The following SMAD2 variants were observed in gnomAD, a reference collection of about 807,000 sequenced individuals.
The protein encoded by SMAD2 is SMAD family member 2.
Under a neutral mutation model 64.4 loss-of-function variants are expected in SMAD2, and 8 were observed. The observed-to-expected ratio is 0.12, with a 90% CI of 0.07 to 0.22. The LOEUF (loss-of-function observed/expected upper bound fraction) is 0.22. Ranked by LOEUF, SMAD2 falls within the 10% of genes least tolerant of loss-of-function variation. The pLI is 1.00. For synonymous variants in SMAD2, 203 were observed against 195.8 expected (o/e 1.04, Z -0.31); for missense variants, 289 against 561.2 (o/e 0.51, Z 4.90).
At chr18:47,898,959 C>G (rs2033563717) in intron 1 of SMAD2, among the ~76,000 whole-genome samples, 1 of 151,412 alleles carries the variant, frequency 6.6e-6, no homozygotes, top group South Asian at 2.1e-4. Context: ...TGTTATTCAT[C>G]TGCAAACTAC....
rs1216878780 is a variant in SMAD2 at position 47,835,074 on chromosome 18, C to G, written c.*6753G>C. On this transcript the variant is annotated 3_prime_UTR_variant, in exon 11 of 11. Transcript: ENST00000262160. ...CTAGTTCAACAACTGCAGAACTGTTCTCATCTTAATCGCTGTAGTTTTTCT... is the reference window on the plus strand; with the variant it reads ...CTAGTTCAACAACTGCAGAACTGTTGTCATCTTAATCGCTGTAGTTTTTCT... 9.1e-6 allele frequency: 2 copies of G among 219,306 alleles called. No individual in the cohort carries two copies. The highest frequency in any genetic ancestry group is 9.1e-6 in the Non-Finnish European group (1 of 109,410). 13.6% of individuals were successfully genotyped at this position (219,306 alleles called of 1,614,324 possible).
intron 7 of SMAD2, among the ~76,000 whole-genome samples, chr18:47,850,212 A>AT (rs1914992171): frequency 1.3e-5 from 1 of 78,704 alleles, no homozygotes; most frequent in African/African-American, 5.1e-5. Flanking sequence ...ATATATTATT[A>AT]TATATATGTA....
chr18:47,896,476 T>C, intron 2 of SMAD2, 45 bp downstream of exon 2: 2 of 1,596,866 alleles, frequency 1.3e-6, no homozygotes, highest in Middle Eastern at 1.7e-4. Flanking sequence ...TTCCTTCAGA[T>C]TCCTTGACAT....
chr18:47,849,368 G>A (rs79287778), intron 7 of SMAD2, among the ~76,000 whole-genome samples: 7,682 of 151,392 alleles, frequency 0.051, 602 homozygotes, highest in East Asian at 0.22. Flanking sequence ...AAGGAATACT[G>A]CAAAAGAAAA....
At chr18:47,856,905 T>TGC (rs1340507275) in intron 6 of SMAD2, among the ~76,000 whole-genome samples, 2 of 145,612 alleles carry the variant, frequency 1.4e-5, no homozygotes, top group Non-Finnish European at 3.0e-5. Context: ...TCGCCCAGGC[T>TGC]GGAGTGCAGT....
chr18:47,823,377 T>C lies in SMAD2; in HGVS notation c.*18450A>G, dbSNP rs112265287. On this transcript the variant is annotated 3_prime_UTR_variant, in exon 11 of 11. Coordinates refer to ENST00000262160, the MANE Select transcript of SMAD2 (RefSeq NM_005901.6). ...AAAAATCAGGGTAACTTTAAGTTTC[T>C]GAAGAAAGCTATATGTACCTGTTAT... 7.2e-5 allele frequency: 11 copies of C among 152,216 alleles called. No individual in the cohort carries two copies. Among genetic ancestry groups the C allele is most frequent in the African/African-American group, 2.7e-4 (11 of 41,440 alleles). 9.4% of individuals were successfully genotyped at this position (152,216 alleles called of 1,614,324 possible). A position where few individuals can be genotyped will look rare whatever the true frequency, so the allele number is the denominator to read the frequency against.
chr18:47,878,058 T>C (rs1313620673), intron 2 of SMAD2, among the ~76,000 whole-genome samples: 5 of 152,172 alleles, frequency 3.3e-5, no homozygotes, highest in Admixed American at 2.6e-4. Flanking sequence ...AAACAAACAG[T>C]CACCAAATGT....
At chr18:47,872,850 G>A (rs920916590) in intron 2 of SMAD2, among the ~76,000 whole-genome samples, 1 of 152,136 alleles carries the variant, frequency 6.6e-6, no homozygotes, top group African/African-American at 2.4e-5. Flanking sequence ...GTGCCAAAAC[G>A]GTTGGGAACA....
chr18:47,880,105 TCTGA>T (rs1256737762), intron 2 of SMAD2, among the ~76,000 whole-genome samples: 7 of 152,320 alleles, frequency 4.6e-5, no homozygotes, highest in African/African-American at 1.4e-4. Flanking sequence ...TTTCTCCCAC[TCTGA>T]CTTATTTTTT....
rs751495461 is a variant in SMAD2, at chr18:47,865,117, T to C, written c.672A>G (p.Gly224=). 5 of 1,607,542 alleles carry C rather than the reference T, an allele frequency of 3.1e-6. No homozygotes were observed. The highest frequency in any genetic ancestry group is 2.2e-5 in the East Asian group (1 of 44,746). ...TTGTTTCTCCATCTTCACTGATATATCCAGGAGGTGGCGTTTCTACAAAAG... is the reference window on the plus strand; with the variant it reads ...TTGTTTCTCCATCTTCACTGATATACCCAGGAGGTGGCGTTTCTACAAAAG... ...SNYIPETPPP[G]YISEDGETSD... The change falls in exon 6 of 11, where the codon GGA becomes GGG. Residue 224 remains glycine, a synonymous_variant. Coordinates refer to ENST00000262160, the MANE Select transcript of SMAD2 (RefSeq NM_005901.6).
Position 47,868,354 on chromosome 18 carries a change from TGCTG to T in SMAD2, c.620_623del (p.Pro207GlnfsTer30). ...TATAATTACTCTGTGGCTCAATTCC[TGCTG>T]GGAAGTTAGTGTTTTCTGGAATGGA... is the stretch of plus-strand genomic sequence containing the variant. On this transcript the variant is annotated frameshift_variant, in exon 5 of 11. Coordinates refer to ENST00000262160, the MANE Select transcript of SMAD2 (RefSeq NM_005901.6). LOFTEE classifies it high-confidence loss of function. 6.2e-7 allele frequency: 1 copy of T among 1,613,196 alleles called. No individual in the cohort carries two copies. The highest frequency in any genetic ancestry group is 8.5e-7 in the Non-Finnish European group (1 of 1,179,372).
chr18:47,850,011 A>T (rs995856360), intron 7 of SMAD2, among the ~76,000 whole-genome samples: 1 of 150,496 alleles, frequency 6.6e-6, no homozygotes, highest in Non-Finnish European at 1.5e-5. Context: ...TGTCTCAAAA[A>T]ATAAATAAAA....
Position 47,825,109 on chromosome 18 carries a change from C to T in SMAD2, c.*16718G>A, listed in dbSNP as rs952383279. The T allele has an allele frequency of 2.0e-5, 3 of 152,100 alleles. No individual in the cohort carries two copies. The highest frequency in any genetic ancestry group is 1.9e-4 in the East Asian group (1 of 5,186). 9.4% of individuals were successfully genotyped at this position (152,100 alleles called of 1,614,324 possible). The stretch of plus-strand genomic sequence containing the variant: ...AAATATTTTTGTGTATTTACAGGAA[C>T]GTGATAATCAAAAGTTGTTGTGGGA... On this transcript the variant is annotated 3_prime_UTR_variant, in exon 11 of 11. Transcript: ENST00000262160.
intron 6 of SMAD2, among the ~76,000 whole-genome samples, chr18:47,861,193 T>C (rs139366831): frequency 2.2e-4 from 33 of 152,168 alleles, no homozygotes; most frequent in African/African-American, 6.5e-4. Context: ...CCGTCTCTAC[T>C]AAAATACGAA....
chr18:47,856,707 T>C (rs930387680), intron 6 of SMAD2, among the ~76,000 whole-genome samples: 10 of 152,230 alleles, frequency 6.6e-5, no homozygotes, highest in Non-Finnish European at 1.0e-4. Context: ...TGAATTTCTC[T>C]GTCATTTTCT....
rs567094789 is a variant in SMAD2 at position 47,837,572 on chromosome 18, A to C, written c.*4255T>G. The C allele has an allele frequency of 7.7e-4, 175 of 226,442 alleles. No individual in the cohort carries two copies. The highest frequency in any genetic ancestry group is 1.2e-3 in the Non-Finnish European group (136 of 115,286). 14.0% of individuals were successfully genotyped at this position (226,442 alleles called of 1,614,324 possible). On this transcript the variant is annotated 3_prime_UTR_variant, in exon 11 of 11. Coordinates refer to ENST00000262160, the MANE Select transcript of SMAD2 (RefSeq NM_005901.6). ...GCGAGACTCCCTCTCAAAAAAAAAA[A>C]AAAAAAACAAAAAACAAGGCTAACA...
intron 3 of SMAD2, among the ~76,000 whole-genome samples, chr18:47,869,745 T>C (rs753602350): frequency 2.4e-4 from 37 of 152,192 alleles, no homozygotes; most frequent in Non-Finnish European, 4.3e-4. Flanking sequence ...TGAAAAACTT[T>C]GTCAACTTCT....
intron 6 of SMAD2, among the ~76,000 whole-genome samples, chr18:47,857,489 G>A (rs1407807896): frequency 6.6e-6 from 1 of 152,192 alleles, no homozygotes; most frequent in Non-Finnish European, 1.5e-5. Context: ...TAGTTAGTAT[G>A]TAGAAGATTG....
At chr18:47,922,093 T>C (rs2034583936) in intron 1 of SMAD2, among the ~76,000 whole-genome samples, 1 of 152,260 alleles carries the variant, frequency 6.6e-6, no homozygotes, top group South Asian at 2.1e-4. Flanking sequence ...CAGATAGTGA[T>C]TAAATGTAGA....
Sources: allele counts gnomAD v4.1 joint callset (sites outside exome capture counted in the v4.1 genomes callset), GRCh38; gene constraint gnomAD v4.1.1; transcripts MANE v1.5; gene names NCBI Gene and HGNC (gene_info 2026-07-23, HGNC 2026-07-21).